PTPRD: variants seen among roughly 807,000 people sequenced by gnomAD.
The protein encoded by PTPRD is receptor-type tyrosine-protein phosphatase delta.
A neutral mutation model predicts 214.5 loss-of-function variants in PTPRD; 34 were observed. The ratio of observed to expected loss-of-function variants is 0.16; its 90% CI spans 0.12 to 0.21. The LOEUF is 0.21. Ranked by LOEUF, PTPRD falls within the 10% of genes least tolerant of loss-of-function variation. The pLI is 1.00. For missense variants in PTPRD, 2,545 were observed against 2,398.7 expected (o/e 1.06, Z -1.27); for synonymous variants, 1,128 against 845.7 (o/e 1.33, Z -5.79).
intron 5 of PTPRD, among the ~76,000 whole-genome samples, chr9:9,855,993 A>G (rs1001011789): frequency 6.6e-6 from 1 of 152,216 alleles, no homozygotes; most frequent in Admixed American, 6.5e-5. Context: ...TCCAGCATCC[A>G]GGAAAAATGA....
At chr9:8,347,767 T>G (rs2074280494) in intron 39 of PTPRD, among the ~76,000 whole-genome samples, 1 of 152,144 alleles carries the variant, frequency 6.6e-6, no homozygotes, top group African/African-American at 2.4e-5. Context: ...CAGAGATCTT[T>G]TTCTCTATGC....
chr9:9,488,621 G>A, intron 8 of PTPRD, among the ~76,000 whole-genome samples: 1 of 152,138 alleles, frequency 6.6e-6, no homozygotes. Context: ...AGGATTCTAG[G>A]AAGTGGAAAA....
At chr9:9,823,732 T>C (rs1030219068) in intron 5 of PTPRD, among the ~76,000 whole-genome samples, 6 of 151,992 alleles carry the variant, frequency 3.9e-5, no homozygotes, top group South Asian at 2.1e-4. Flanking sequence ...CTAGGAATTA[T>C]AGTGGGTGAT....
intron 2 of PTPRD, among the ~76,000 whole-genome samples, chr9:10,483,406 T>C (rs1046627133): frequency 6.6e-6 from 1 of 151,002 alleles, no homozygotes; most frequent in Non-Finnish European, 1.5e-5. Flanking sequence ...CAAAAGCAAA[T>C]GCAAGAAAAA....
chr9:8,894,179 C>T (rs976759356), intron 11 of PTPRD, among the ~76,000 whole-genome samples: 5 of 151,710 alleles, frequency 3.3e-5, no homozygotes, highest in Non-Finnish European at 4.4e-5. Flanking sequence ...TGTGGTAAAA[C>T]CCTGTTTCTA....
chr9:8,516,866 C>A (rs557210503), intron 21 of PTPRD, among the ~76,000 whole-genome samples: 11 of 131,804 alleles, frequency 8.3e-5, no homozygotes, highest in Middle Eastern at 5.3e-3. Context: ...TGTAGTGGTA[C>A]AATCTTAGCT....
intron 11 of PTPRD, among the ~76,000 whole-genome samples, chr9:8,929,063 G>C (rs1221793652): frequency 2.0e-5 from 3 of 152,114 alleles, no homozygotes; most frequent in Non-Finnish European, 2.9e-5. Context: ...TGCTGAAGTT[G>C]CTTATCAGCT....
intron 14 of PTPRD, among the ~76,000 whole-genome samples, chr9:8,624,907 T>G (rs1306739941): frequency 6.6e-6 from 1 of 151,870 alleles, no homozygotes; most frequent in African/African-American, 2.4e-5. Flanking sequence ...TAATGACTAT[T>G]TTGTTCATTA....
intron 3 of PTPRD, among the ~76,000 whole-genome samples, chr9:10,279,652 A>C (rs78838335): frequency 0.033 from 4,946 of 151,858 alleles, 287 homozygotes; most frequent in African/African-American, 0.11. Context: ...TTTATTAGGT[A>C]CCTAGGTACT....
At chr9:10,471,111 C>T (rs1384416410) in intron 2 of PTPRD, among the ~76,000 whole-genome samples, 1 of 151,868 alleles carries the variant, frequency 6.6e-6, no homozygotes. Context: ...CACATGGACA[C>T]AGGGAGGGGA....
chr9:9,329,187 G>A (rs1179402032), intron 9 of PTPRD, among the ~76,000 whole-genome samples: 1 of 151,986 alleles, frequency 6.6e-6, no homozygotes, highest in Admixed American at 6.6e-5. Flanking sequence ...TGACATCACA[G>A]AAACAGGATA....
At chr9:10,531,827 A>G (rs910010011) in intron 2 of PTPRD, among the ~76,000 whole-genome samples, 4 of 152,290 alleles carry the variant, frequency 2.6e-5, no homozygotes, top group Middle Eastern at 3.4e-3. Flanking sequence ...ATGGTATTCC[A>G]ACAAATTTAC....
chr9:8,615,013 A>T (rs962127453), intron 14 of PTPRD, among the ~76,000 whole-genome samples: 1 of 152,078 alleles, frequency 6.6e-6, no homozygotes, highest in Non-Finnish European at 1.5e-5. Context: ...TTCTTTCTCC[A>T]TCTGAGGGGT....
intron 9 of PTPRD, among the ~76,000 whole-genome samples, chr9:9,327,570 C>T (rs2040488399): frequency 6.6e-6 from 1 of 152,086 alleles, no homozygotes. Context: ...ATATCCATGA[C>T]AGATAGTAAT....
intron 9 of PTPRD, among the ~76,000 whole-genome samples, chr9:9,191,521 A>C (rs2099935168): frequency 6.6e-6 from 1 of 152,096 alleles, no homozygotes; most frequent in Admixed American, 6.6e-5. Flanking sequence ...TATTGGGGAT[A>C]ATTTGTAATG....
chr9:10,412,574 G>A (rs1176598818), intron 2 of PTPRD, among the ~76,000 whole-genome samples: 1 of 151,064 alleles, frequency 6.6e-6, no homozygotes, highest in Non-Finnish European at 1.5e-5. Flanking sequence ...TATGAGGGCA[G>A]AATCATCCTG....
At chr9:10,465,535 A>G (rs1043960363) in intron 2 of PTPRD, among the ~76,000 whole-genome samples, 2 of 152,156 alleles carry the variant, frequency 1.3e-5, no homozygotes, top group African/African-American at 2.4e-5. Flanking sequence ...CGGTGGTCTC[A>G]TAAGATTATA....
chr9:9,589,814 T>A (rs1273461488), intron 7 of PTPRD, among the ~76,000 whole-genome samples: 1 of 152,006 alleles, frequency 6.6e-6, no homozygotes, highest in African/African-American at 2.4e-5. Context: ...CACATAGTAG[T>A]GATTGTTGTC....
intron 2 of PTPRD, among the ~76,000 whole-genome samples, chr9:10,396,421 G>A (rs2154493727): frequency 6.6e-6 from 1 of 152,074 alleles, no homozygotes; most frequent in South Asian, 2.1e-4. Flanking sequence ...AAACTGTTGG[G>A]AAGGGTTGTA....
Sources: gnomAD v4.1 joint callset for allele counts (sites outside exome capture counted in the v4.1 genomes callset) on GRCh38, gnomAD v4.1.1 for gene constraint, MANE v1.5 for transcripts, NCBI Gene and HGNC (gene_info 2026-07-23, HGNC 2026-07-21) for gene names.